The following SRSF3 variants were observed in gnomAD, a reference collection of about 807,000 sequenced individuals.
SRSF3 encodes serine and arginine rich splicing factor 3.
For missense variants in SRSF3, 58 were observed against 217.1 expected, an observed-to-expected ratio of 0.27 and a Z score of 4.61; for synonymous variants, 87 against 73.6, an observed-to-expected ratio of 1.18 and a Z score of -0.93.
At chr6:36,600,465 T>C (rs761452889) in intron 3 of SRSF3, 27 of 209,736 alleles carry the variant, frequency 1.3e-4, no homozygotes, top group African/African-American at 1.6e-4. Context: ...GTGAAACTTA[T>C]TTGCATGTGC....
intron 3 of SRSF3, chr6:36,600,318 A>T (rs1406543750): frequency 4.0e-6 from 4 of 990,358 alleles, no homozygotes; most frequent in Non-Finnish European, 4.8e-6. Flanking sequence ...TGGTTAAAAT[A>T]AGGAGTAAGC....
Position 36,603,334 on chromosome 6 carries a change from A to G in SRSF3, c.*1345A>G, listed in dbSNP as rs955469748. The G allele has an allele frequency of 1.3e-5, 3 of 225,050 alleles. No homozygotes were observed. Among genetic ancestry groups the G allele is most frequent in the African/African-American group, 6.7e-5 (3 of 44,930 alleles). 13.9% of individuals were successfully genotyped at this position (225,050 alleles called of 1,614,324 possible). A position where few individuals can be genotyped will look rare whatever the true frequency, so the allele number is the denominator to read the frequency against. ...ATATGGTTCAAATGTAACAGTGCAG[A>G]ATTGAATATGGAGGCATGCATAACC... On this transcript the variant is annotated 3_prime_UTR_variant, in exon 6 of 6. Transcript: ENST00000373715.
At chr6:36,595,846 T>C (rs1778618307) in intron 1 of SRSF3, among the ~76,000 whole-genome samples, 1 of 152,236 alleles carries the variant, frequency 6.6e-6, no homozygotes, top group Non-Finnish European at 1.5e-5. Flanking sequence ...CGTAAGACTC[T>C]GGTCTATCTA....
At chr6:36,598,721 A>G in intron 2 of SRSF3, 128 bp from the exon 3 acceptor site, 1 of 1,145,616 alleles carries the variant, frequency 8.7e-7, no homozygotes, top group South Asian at 1.5e-5. Flanking sequence ...GGAGCTAGAA[A>G]TTTGATGTTA....
Position 36,601,712 on chromosome 6 carries a change from C to A in SRSF3, c.385C>A (p.Leu129Ile). 1 of 1,601,166 alleles carries A rather than the reference C, an allele frequency of 6.2e-7. No homozygotes were observed. The highest frequency in any genetic ancestry group is 8.5e-7 in the Non-Finnish European group (1 of 1,169,968). ...RSFSRSRSRS[L>I]SRDRRRERSL... ...AATGTTTTTTTGCTTGTTTAGGTCC[C>A]TTTCTAGAGATAGGAGAAGAGAGAG... Residue 129 changes from leucine to isoleucine, a missense_variant, in exon 5 of 6, where the codon CTT (leucine) becomes ATT (isoleucine). Transcript: ENST00000373715.
rs941338244 is a variant in SRSF3, at chr6:36,602,617, A to T, written c.*628A>T. On this transcript the variant is annotated 3_prime_UTR_variant, in exon 6 of 6. Coordinates refer to ENST00000373715, the MANE Select transcript of SRSF3 (RefSeq NM_003017.5). Reference sequence around the variant, plus strand: ...ATATGGATACATGGCTGTTCGTGACATTCTTTATGTGCAAATTTGTGATTT... The same window carrying T: ...ATATGGATACATGGCTGTTCGTGACTTTCTTTATGTGCAAATTTGTGATTT... 1.6e-4 allele frequency: 35 copies of T among 216,508 alleles called. No homozygotes were observed. Among genetic ancestry groups the T allele is most frequent in the Non-Finnish European group, 5.6e-5 (6 of 107,474 alleles). The allele number at this position is 216,508 out of a possible 1,614,324, so 13.4% of individuals were successfully genotyped here. A position where few individuals can be genotyped will look rare whatever the true frequency, so the allele number is the denominator to read the frequency against.
chr6:36,597,729 TC>T (rs1410949241), intron 2 of SRSF3, among the ~76,000 whole-genome samples: 4 of 152,072 alleles, frequency 2.6e-5, no homozygotes, highest in Admixed American at 2.0e-4. Context: ...GCCCACCTCT[TC>T]CCAGTCACTC....
At chr6:36,596,187 T>G (rs1366593740) in intron 1 of SRSF3, among the ~76,000 whole-genome samples, 1 of 152,160 alleles carries the variant, frequency 6.6e-6, no homozygotes, top group African/African-American at 2.4e-5. Flanking sequence ...TTCCCAAAAG[T>G]TCTGGGATTG....
At chr6:36,599,768 A>AT (rs973963051) in intron 3 of SRSF3, 71 of 1,280,918 alleles carry the variant, frequency 5.5e-5, no homozygotes, top group Middle Eastern at 4.3e-4. Flanking sequence ...CTTGTTTTTC[A>AT]TTTTTTTTGT....
chr6:36,601,918 T>TA, intron 5 of SRSF3, 44 bp from the exon 6 acceptor site: 5 of 1,583,684 alleles, frequency 3.2e-6, no homozygotes, highest in Non-Finnish European at 3.4e-6. Context: ...GTCACCAAGT[T>TA]ACAGATGTAA....
intron 3 of SRSF3, chr6:36,599,654 G>A (rs1486742133): frequency 8.7e-6 from 4 of 459,294 alleles, no homozygotes; most frequent in Non-Finnish European, 1.6e-5. Flanking sequence ...CTAGGAGACA[G>A]GAGTTCAAAA....
intron 2 of SRSF3, among the ~76,000 whole-genome samples, chr6:36,598,213 C>T (rs1329354186): frequency 6.6e-6 from 1 of 152,180 alleles, no homozygotes; most frequent in African/African-American, 2.4e-5. Flanking sequence ...ATAAATGGAT[C>T]TTCACACTTA....
At chr6:36,601,840 T>A in intron 5 of SRSF3, 46 bp downstream of exon 5, 1 of 1,603,504 alleles carries the variant, frequency 6.2e-7, no homozygotes, top group Non-Finnish European at 8.5e-7. Flanking sequence ...ATACATAGTA[T>A]GCTAAGGCCT....
chr6:36,598,726 A>G (rs1406463401), intron 2 of SRSF3, 123 bp from the exon 3 acceptor site: 1 of 1,168,890 alleles, frequency 8.6e-7, no homozygotes, highest in East Asian at 2.4e-5. Flanking sequence ...TAGAAATTTG[A>G]TGTTAAATTG....
Position 36,603,076 on chromosome 6 carries a change from A to G in SRSF3, c.*1087A>G, listed in dbSNP as rs1473910141. 1 of 185,452 alleles carries G rather than the reference A, an allele frequency of 5.4e-6. No individual in the cohort carries two copies. Among genetic ancestry groups the G allele is most frequent in the Non-Finnish European group, 1.1e-5 (1 of 91,646 alleles). 11.5% of individuals were successfully genotyped at this position (185,452 alleles called of 1,614,324 possible). A position where few individuals can be genotyped will look rare whatever the true frequency, so the allele number is the denominator to read the frequency against. ...ATGTCACCTAAGTGATAGTTAACCCATTTTTTTTTTTTTTAGGCATAGAAG... is the reference window on the plus strand; with the variant it reads ...ATGTCACCTAAGTGATAGTTAACCCGTTTTTTTTTTTTTTAGGCATAGAAG... On this transcript the variant is annotated 3_prime_UTR_variant, in exon 6 of 6. Transcript: ENST00000373715.
intron 1 of SRSF3, among the ~76,000 whole-genome samples, 175 bp from the exon 2 acceptor site, chr6:36,596,586 A>T (rs1261305358): frequency 9.7e-6 from 1 of 103,118 alleles, no homozygotes; most frequent in East Asian, 3.8e-4. Flanking sequence ...GGGGGGGGGA[A>T]ATGGGTGCTT....
rs181843447 is a variant in SRSF3, at chr6:36,596,099, A to G, written c.-2-662A>G. Among the ~76,000 whole-genome samples the G allele has an allele frequency of 1.7e-3, 263 of 151,720 alleles. 1 individual carries two copies. Among genetic ancestry groups the G allele is most frequent in the African/African-American group, 6.0e-3 (249 of 41,326 alleles). On this transcript the variant is annotated intron_variant, in intron 1 of 5. Coordinates refer to ENST00000373715, the MANE Select transcript of SRSF3 (RefSeq NM_003017.5). ...GCCACCATGCCCGGCTAATTTTTGT[A>G]TTTTTAGTTGTGACGGGGTTTCACC...
In SRSF3 at chr6:36,602,281, C is replaced by G; in HGVS notation, c.*292C>G. ...TTATGCACAGACTGATAATAAACCT[C>G]TAAACCTGCCCAGCGGAAGTGTGTT... On this transcript the variant is annotated 3_prime_UTR_variant, in exon 6 of 6. Coordinates refer to ENST00000373715, the MANE Select transcript of SRSF3 (RefSeq NM_003017.5). 1 of 393,812 alleles carries G rather than the reference C, an allele frequency of 2.5e-6. No individual in the cohort carries two copies. Among genetic ancestry groups the G allele is most frequent in the East Asian group, 3.9e-5 (1 of 25,552 alleles). 24.4% of individuals were successfully genotyped at this position (393,812 alleles called of 1,614,324 possible). A position where few individuals can be genotyped will look rare whatever the true frequency, so the allele number is the denominator to read the frequency against.
Position 36,603,715 on chromosome 6 carries a change from GTAT to G in SRSF3, c.*1728_*1730del, listed in dbSNP as rs1409494827. The G allele has an allele frequency of 5.2e-5, 12 of 230,814 alleles. No individual in the cohort carries two copies. Among genetic ancestry groups the G allele is most frequent in the African/African-American group, 2.4e-4 (11 of 45,332 alleles). The allele number at this position is 230,814 out of a possible 1,614,324, so 14.3% of individuals were successfully genotyped here. ...TCTGGCATTGGGCATTTTGTCTTTA[GTAT>G]TCTCACATAGCCTACAACCTGTTCC... On this transcript the variant is annotated 3_prime_UTR_variant, in exon 6 of 6. Transcript: ENST00000373715.
Sources: allele counts gnomAD v4.1 joint callset (sites outside exome capture counted in the v4.1 genomes callset), GRCh38; gene constraint gnomAD v4.1.1; transcripts MANE v1.5; gene names NCBI Gene and HGNC (gene_info 2026-07-23, HGNC 2026-07-21).